Variants in ZNF184 observed in about 807,000 individuals in gnomAD.
ZNF184 encodes the protein zinc finger protein 184 (Kruppel-like).
ZNF184 carries 16 observed loss-of-function variants against 54.4 expected under a neutral mutation model. That is an observed-to-expected ratio of 0.29 (90% CI 0.20 to 0.45). ZNF184 has a LOEUF of 0.45. Ranked by LOEUF, ZNF184 falls within the 20% of genes least tolerant of loss-of-function variation. The probability of loss-of-function intolerance (pLI) is 1.00; values close to 1 mark genes in which losing one functional copy is unlikely to be tolerated. For synonymous variants in ZNF184, 254 were observed against 295.3 expected, an observed-to-expected ratio of 0.86 and a Z score of 1.43; for missense variants, 681 against 888.2, an observed-to-expected ratio of 0.77 and a Z score of 2.97.
chr6:27,405,154 A>G, the ZNF184 span: 95 of 152,348 alleles, frequency 6.2e-4, no homozygotes, highest in South Asian at 4.6e-3. Context: ...TTTTGCACCA[A>G]TTTAATATTT....
chr6:27,425,675 A>G, the ZNF184 span, among the ~76,000 whole-genome samples: 1 of 152,198 alleles, frequency 6.6e-6, no homozygotes, highest in Non-Finnish European at 1.5e-5. Flanking sequence ...AACAAGTGAA[A>G]CCAGCTAATT....
chr6:27,462,714 A>T (rs960630367), intron 3 of ZNF184, among the ~76,000 whole-genome samples: 42 of 151,118 alleles, frequency 2.8e-4, no homozygotes, highest in African/African-American at 1.0e-3. Flanking sequence ...AGTGCAAAAA[A>T]ATTAGCCAGT....
the ZNF184 span, among the ~76,000 whole-genome samples, chr6:27,408,628 G>A: frequency 6.6e-6 from 1 of 152,166 alleles, no homozygotes; most frequent in African/African-American, 2.4e-5. Flanking sequence ...TACACTGCTA[G>A]CTTAAGTGAT....
rs1390771081 is a variant in ZNF184 at position 27,467,911 on chromosome 6, G to A, written c.17C>T (p.Ser6Phe). 3.1e-6 allele frequency: 5 copies of A among 1,610,640 alleles called. No individual in the cohort carries two copies. Among genetic ancestry groups the A allele is most frequent in the Non-Finnish European group, 4.2e-6 (5 of 1,178,444 alleles). ...CCCTTGGAGAAGGGTGGAGTCTGGA[G>A]AGGACAGATCTAGGGGGAGAAGCAG... MEDLS[S>F]PDSTLLQGGH... The change falls in exon 3 of 6, where the codon TCT becomes TTT. Residue 6 changes from serine (S) to phenylalanine (F), a missense_variant. By Grantham distance (155) the Ser-to-Phe change is radical. Transcript: ENST00000683788.
chr6:27,427,270 C>T, the ZNF184 span, among the ~76,000 whole-genome samples: 2 of 152,014 alleles, frequency 1.3e-5, no homozygotes, highest in African/African-American at 2.4e-5. Context: ...ACAAATTTTT[C>T]GTTTTTGTAC....
chr6:27,458,996 C>G (rs957472232), intron 3 of ZNF184, among the ~76,000 whole-genome samples: 31 of 152,168 alleles, frequency 2.0e-4, no homozygotes, highest in Middle Eastern at 6.8e-3. Context: ...AGATAAATAT[C>G]GCATGTTCTC....
chr6:27,468,278 C>T (rs1229715846), intron 2 of ZNF184, among the ~76,000 whole-genome samples: 3 of 152,058 alleles, frequency 2.0e-5, no homozygotes, highest in Non-Finnish European at 4.4e-5. Context: ...CTTCATAGGC[C>T]CTTTGAAAAC....
chr6:27,472,360 C>A lies in ZNF184; in HGVS notation c.-66G>T. 1.2e-6 allele frequency: 2 copies of A among 1,610,914 alleles called. No homozygotes were observed. The highest frequency in any genetic ancestry group is 1.7e-6 in the Non-Finnish European group (2 of 1,177,612). The stretch of plus-strand genomic sequence containing the variant: ...GGTTCGCCAGGCAGCGTTCCTTCAG[C>A]TGGTATCTCGGTCTAGGACTCAGAT... On this transcript the variant is annotated 5_prime_UTR_variant, in exon 2 of 6. Transcript: ENST00000683788. The surrounding 1 kb of genome is among the most constrained non-coding windows in gnomAD (Gnocchi z 4.8).
downstream of ZNF184, among the ~76,000 whole-genome samples, chr6:27,450,250 G>C (rs574554829): frequency 6.6e-6 from 1 of 152,296 alleles, no homozygotes; most frequent in South Asian, 2.1e-4. Context: ...TGGAGTTGTA[G>C]GGCCTTGGCA....
chr6:27,437,323 T>C, the ZNF184 span, among the ~76,000 whole-genome samples: 2 of 152,274 alleles, frequency 1.3e-5, no homozygotes, highest in South Asian at 4.1e-4. Flanking sequence ...TGGTTCATAG[T>C]TTTGAAGATG....
At chr6:27,458,295 T>TAAAAAAAAAAAAAA (rs55966783) in intron 3 of ZNF184, among the ~76,000 whole-genome samples, 2 of 62,366 alleles carry the variant, frequency 3.2e-5, no homozygotes, top group Admixed American at 2.1e-4. Context: ...TTCTGCACAG[T>TAAAAAAAAAAAAAA]AAAAAAAAAA....
chr6:27,444,449 T>C, the ZNF184 span, among the ~76,000 whole-genome samples: 8 of 152,130 alleles, frequency 5.3e-5, no homozygotes, highest in African/African-American at 1.9e-4. Flanking sequence ...TCAATCCCAA[T>C]AGGATTCAAA....
chr6:27,424,208 G>A, the ZNF184 span, among the ~76,000 whole-genome samples: 2 of 152,142 alleles, frequency 1.3e-5, no homozygotes, highest in African/African-American at 2.4e-5. Flanking sequence ...GGAGTTGTTC[G>A]TTCTTCACGG....
downstream of ZNF184, among the ~76,000 whole-genome samples, chr6:27,448,393 C>T (rs1762661391): frequency 6.6e-6 from 1 of 152,188 alleles, no homozygotes; most frequent in Admixed American, 6.5e-5. Flanking sequence ...AACTAAATTC[C>T]TGCCTGTACT....
At chr6:27,457,827 A>G (rs1009827749) in intron 3 of ZNF184, among the ~76,000 whole-genome samples, 6 of 152,222 alleles carry the variant, frequency 3.9e-5, no homozygotes, top group African/African-American at 1.4e-4. Context: ...GCCCTAATAC[A>G]TTTCAAAAGA....
At chr6:27,411,647 G>A in the ZNF184 span, among the ~76,000 whole-genome samples, 2 of 152,234 alleles carry the variant, frequency 1.3e-5, no homozygotes, top group African/African-American at 4.8e-5. Flanking sequence ...AGGCCCGAGG[G>A]TAACAGTGAT....
chr6:27,431,587 G>A, the ZNF184 span, among the ~76,000 whole-genome samples: 4 of 152,142 alleles, frequency 2.6e-5, no homozygotes, highest in Admixed American at 6.5e-5. Context: ...TTTAGCAACT[G>A]CCAACACTCT....
rs566987413 is a variant in ZNF184, at chr6:27,462,311, C to T, written c.76-4902G>A. On this transcript the variant is annotated intron_variant, in intron 3 of 5. Coordinates refer to ENST00000683788, the MANE Select transcript of ZNF184 (RefSeq NM_001318891.2). ...CTCCCAGGTTCACGCCATTCTGCTG[C>T]CTCAGCCTCCCGAGTATCTGGGACC... 2.0e-5 allele frequency among the ~76,000 whole-genome samples: 3 copies of T among 151,894 alleles called. No homozygotes were observed. The South Asian group carries it at 6.3e-4, about 32-fold the overall frequency.
At chr6:27,413,830 C>G in the ZNF184 span, among the ~76,000 whole-genome samples, 651 of 152,300 alleles carry the variant, frequency 4.3e-3, 7 homozygotes, top group Admixed American at 0.012. Flanking sequence ...TGGATCCATG[C>G]TAAGTTTAGG....
Sources: allele counts gnomAD v4.1 joint callset (sites outside exome capture counted in the v4.1 genomes callset), GRCh38; gene constraint gnomAD v4.1.1; non-coding constraint Gnocchi (gnomAD v3.1); transcripts MANE v1.5; gene names NCBI Gene and HGNC (gene_info 2026-07-23, HGNC 2026-07-21).